LRMDA: variants seen among roughly 807,000 people sequenced by gnomAD.
The protein encoded by LRMDA is leucine rich melanocyte differentiation associated.
A neutral mutation model predicts 29.8 loss-of-function variants in LRMDA; 18 were observed. The ratio of observed to expected loss-of-function variants is 0.60; its 90% CI spans 0.42 to 0.90. The LOEUF is 0.90. Among genes scored for constraint, LRMDA ranks in the 40% least tolerant of loss-of-function variants. LRMDA has a pLI of 0.00. For synonymous variants in LRMDA, 125 were observed against 109.4 expected, an observed-to-expected ratio of 1.14 and a Z score of -0.89; for missense variants, 273 against 273.9, an observed-to-expected ratio of 1.00 and a Z score of 0.02.
intron 2 of LRMDA, among the ~76,000 whole-genome samples, chr10:75,572,310 C>G (rs760104477): frequency 1.3e-5 from 2 of 151,820 alleles, no homozygotes; most frequent in African/African-American, 2.4e-5. Context: ...AATAAAAACT[C>G]TACCCCTATT....
At chr10:75,987,207 G>T (rs1486810084) in intron 2 of LRMDA, among the ~76,000 whole-genome samples, 1 of 152,106 alleles carries the variant, frequency 6.6e-6, no homozygotes, top group African/African-American at 2.4e-5. Context: ...GGCACCTTCT[G>T]CTTATGACAG....
At chr10:75,513,577 T>C (rs901652608) in intron 2 of LRMDA, among the ~76,000 whole-genome samples, 6 of 152,168 alleles carry the variant, frequency 3.9e-5, no homozygotes, top group African/African-American at 7.2e-5. Flanking sequence ...AAGTCTGAAA[T>C]GGGTTTCACT....
intron 2 of LRMDA, among the ~76,000 whole-genome samples, chr10:75,953,931 C>A (rs1208403995): frequency 2.0e-5 from 3 of 152,198 alleles, no homozygotes; most frequent in Non-Finnish European, 2.9e-5. Context: ...TCTAATCACA[C>A]AGGATCTGAA....
intron 5 of LRMDA, among the ~76,000 whole-genome samples, chr10:76,189,343 C>T (rs757961024): frequency 7.3e-5 from 11 of 149,966 alleles, no homozygotes; most frequent in Admixed American, 6.6e-4. Context: ...GGTGACAGAG[C>T]GAGATTCTGT....
intron 6 of LRMDA, among the ~76,000 whole-genome samples, chr10:76,428,154 T>C (rs1842149836): frequency 6.6e-6 from 1 of 152,226 alleles, no homozygotes. Context: ...AAAACACTCA[T>C]GCTACAAGAC....
At chr10:76,177,166 G>A (rs558478358) in intron 5 of LRMDA, among the ~76,000 whole-genome samples, 4 of 152,278 alleles carry the variant, frequency 2.6e-5, no homozygotes, top group South Asian at 4.1e-4. Flanking sequence ...CCAGCAGCAC[G>A]CTTTTTAATC....
chr10:75,615,056 G>A (rs1434224778), intron 2 of LRMDA, among the ~76,000 whole-genome samples: 1 of 152,140 alleles, frequency 6.6e-6, no homozygotes, highest in Non-Finnish European at 1.5e-5. Context: ...GGTGACTCTT[G>A]GTGTTTAACG....
At chr10:76,399,554 G>A (rs754629486) in intron 6 of LRMDA, among the ~76,000 whole-genome samples, 1 of 152,174 alleles carries the variant, frequency 6.6e-6, no homozygotes, top group Non-Finnish European at 1.5e-5. Flanking sequence ...TAGATTTCCA[G>A]CCTTCATAGC....
At position 75,819,906 on chromosome 10, in the gene LRMDA, G is replaced by A. The variant is rs549221671; in HGVS notation, c.132-216102G>A. Among the ~76,000 whole-genome samples, 16 of 152,262 alleles carry A rather than the reference G, an allele frequency of 1.1e-4. No homozygotes were observed. In the South Asian group the frequency reaches 1.7e-3, roughly 16 times the overall value. On this transcript the variant is annotated intron_variant, in intron 2 of 6. Coordinates refer to ENST00000611255, the MANE Select transcript of LRMDA (RefSeq NM_001305581.2). ...TAAGTGTAAAATACACACCAAAGAC[G>A]TAGTAGAAAAAAGGATGTAAAATAT...
chr10:75,765,222 T>C (rs893321925), intron 2 of LRMDA, among the ~76,000 whole-genome samples: 1 of 152,066 alleles, frequency 6.6e-6, no homozygotes, highest in South Asian at 2.1e-4. Flanking sequence ...GTCTTTTTTT[T>C]TTTTCTTTTC....
chr10:75,539,626 C>G (rs890866657), intron 2 of LRMDA, among the ~76,000 whole-genome samples: 2 of 152,198 alleles, frequency 1.3e-5, no homozygotes, highest in Admixed American at 6.5e-5. Flanking sequence ...CAGAACATAA[C>G]TTCTCACATG....
At chr10:75,854,333 C>T (rs752263201) in intron 2 of LRMDA, among the ~76,000 whole-genome samples, 1 of 152,052 alleles carries the variant, frequency 6.6e-6, no homozygotes, top group Non-Finnish European at 1.5e-5. Flanking sequence ...ATCAAGTAAC[C>T]ATATGTCCTG....
chr10:75,800,629 G>C (rs1485835519), intron 2 of LRMDA, among the ~76,000 whole-genome samples: 2 of 151,930 alleles, frequency 1.3e-5, no homozygotes, highest in East Asian at 3.9e-4. Context: ...CAAATTTTCT[G>C]CTGATATTCC....
chr10:75,590,976 A>G (rs1840716788), intron 2 of LRMDA, among the ~76,000 whole-genome samples: 1 of 151,922 alleles, frequency 6.6e-6, no homozygotes, highest in African/African-American at 2.4e-5. Flanking sequence ...ACTCTTGACC[A>G]TGTGATCTGC....
At chr10:75,433,318 G>A (rs1294013611) in intron 1 of LRMDA, among the ~76,000 whole-genome samples, 1 of 152,052 alleles carries the variant, frequency 6.6e-6, no homozygotes, top group African/African-American at 2.4e-5. Context: ...TCCTAGATTC[G>A]ATTTTTCCTG....
intron 6 of LRMDA, among the ~76,000 whole-genome samples, chr10:76,352,591 G>A (rs1182422749): frequency 6.6e-6 from 1 of 152,066 alleles, no homozygotes; most frequent in Non-Finnish European, 1.5e-5. Flanking sequence ...CAAACTTATG[G>A]ATTGTTGATT....
intron 5 of LRMDA, among the ~76,000 whole-genome samples, chr10:76,061,568 G>C (rs1452068395): frequency 6.6e-6 from 1 of 152,146 alleles, no homozygotes; most frequent in Non-Finnish European, 1.5e-5. Context: ...AGAGACTAAA[G>C]TACTCTTACA....
At chr10:75,812,132 T>A (rs1843974440) in intron 2 of LRMDA, among the ~76,000 whole-genome samples, 1 of 148,800 alleles carries the variant, frequency 6.7e-6, no homozygotes, top group East Asian at 2.0e-4. Flanking sequence ...TTTTTTTTTT[T>A]TTTTTTAGCA....
intron 2 of LRMDA, among the ~76,000 whole-genome samples, chr10:75,438,788 C>T (rs545225726): frequency 4.8e-4 from 73 of 152,318 alleles, no homozygotes; most frequent in African/African-American, 1.5e-3. Context: ...TTTCATTTCT[C>T]ACGGATACCT....
Sources: allele counts gnomAD v4.1 joint callset (sites outside exome capture counted in the v4.1 genomes callset), GRCh38; gene constraint gnomAD v4.1.1; transcripts MANE v1.5; gene names NCBI Gene and HGNC (gene_info 2026-07-23, HGNC 2026-07-21).